Variants in FOXRED2 observed in about 807,000 individuals in gnomAD.
The protein encoded by FOXRED2 is FAD dependent oxidoreductase domain containing 2, also known as FAD-dependent oxidoreductase domain-containing protein 2.
A neutral mutation model predicts 52.5 loss-of-function variants in FOXRED2; 32 were observed. The observed-to-expected ratio is 0.61, with a 90% CI of 0.46 to 0.82. FOXRED2 has a LOEUF of 0.82. FOXRED2 is among the 40% of genes least tolerant of loss of function. The pLI, the probability that FOXRED2 is intolerant of heterozygous loss-of-function variation, is 0.00. For missense variants in FOXRED2, 848 were observed against 937.5 expected (o/e 0.90, Z 1.25); for synonymous variants, 405 against 398.1 (o/e 1.02, Z -0.21).
intron 4 of FOXRED2, among the ~76,000 whole-genome samples, chr22:36,502,345 T>C (rs962999546): frequency 6.6e-6 from 1 of 152,232 alleles, no homozygotes; most frequent in Non-Finnish European, 1.5e-5. Flanking sequence ...GCTGCTTTGA[T>C]ACCAAACCTC....
chr22:36,504,209 G>T lies in FOXRED2; in HGVS notation c.938C>A (p.Ala313Asp), dbSNP rs780798417. Reference protein sequence around the residue: ...FLEEANTNQSADSITLPQDDN... With the variant: ...FLEEANTNQSDDSITLPQDDN... Reference sequence around the variant, plus strand: ...GTCCTGGGGGAGGGTGATGGAGTCGGCACTCTGGTTGGTGTTGGCTTCTTC... The same window carrying T: ...GTCCTGGGGGAGGGTGATGGAGTCGTCACTCTGGTTGGTGTTGGCTTCTTC... Residue 313 changes from alanine to aspartate, a missense_variant, in exon 4 of 9, where the codon GCC (alanine) becomes GAC (aspartate). Coordinates refer to ENST00000397224, the MANE Select transcript of FOXRED2 (RefSeq NM_001102371.2). 1 of 1,614,220 alleles carries T rather than the reference G, an allele frequency of 6.2e-7. No individual in the cohort carries two copies. The highest frequency in any genetic ancestry group is 1.1e-5 in the South Asian group (1 of 91,084).
chr22:36,500,906 T>C (rs1276150613), intron 5 of FOXRED2, among the ~76,000 whole-genome samples: 2 of 151,936 alleles, frequency 1.3e-5, no homozygotes, highest in Non-Finnish European at 1.5e-5. Context: ...TATTTTATTT[T>C]TGAGACCAAG....
At chr22:36,498,191 CT>C in intron 5 of FOXRED2, 35 bp from the exon 6 acceptor site, 1 of 1,587,002 alleles carries the variant, frequency 6.3e-7, no homozygotes, top group Non-Finnish European at 8.6e-7. Flanking sequence ...GCACGCTGCA[CT>C]TACCATTTTA....
intron 1 of FOXRED2, 111 bp from the exon 2 acceptor site, chr22:36,506,534 C>T: frequency 9.0e-7 from 1 of 1,105,406 alleles, no homozygotes; most frequent in Non-Finnish European, 1.2e-6. Flanking sequence ...TGGGTCACGG[C>T]CAGGCCCAGA....
intron 7 of FOXRED2, among the ~76,000 whole-genome samples, chr22:36,494,103 G>T (rs115169353): frequency 7.4e-4 from 112 of 152,324 alleles, no homozygotes; most frequent in African/African-American, 2.5e-3. Flanking sequence ...GAGATCTACT[G>T]TGGCTGCTTT....
rs565902632 is a variant in FOXRED2 at position 36,502,348 on chromosome 22, C to T, written c.1050-941G>A. Among the ~76,000 whole-genome samples, 21 of 152,304 alleles carry T rather than the reference C, an allele frequency of 1.4e-4. No individual in the cohort carries two copies. The South Asian group carries it at 1.9e-3, about 14-fold the overall frequency. ...GAAAGACTGGATGCTGCTTTGATAC[C>T]AAACCTCCCGAGGTAGTCGGCAGCA... On this transcript the variant is annotated intron_variant, in intron 4 of 8. Transcript: ENST00000397224.
At chr22:36,505,556 G>A (rs899090832) in intron 2 of FOXRED2, among the ~76,000 whole-genome samples, 3 of 152,050 alleles carry the variant, frequency 2.0e-5, no homozygotes, top group Non-Finnish European at 4.4e-5. Flanking sequence ...ATCTCCTGAG[G>A]TCAGGAGTTC....
intron 7 of FOXRED2, 49 bp from the exon 8 acceptor site, chr22:36,493,852 C>A: frequency 6.4e-7 from 1 of 1,563,728 alleles, no homozygotes; most frequent in Non-Finnish European, 8.8e-7. Context: ...GGCTGGGCTT[C>A]CCCTCCTCGG....
chr22:36,496,918 C>T (rs761062004), intron 6 of FOXRED2, among the ~76,000 whole-genome samples: 9 of 152,170 alleles, frequency 5.9e-5, no homozygotes, highest in Non-Finnish European at 1.2e-4. Context: ...TGCTGACTCA[C>T]GCCTGTAATC....
In FOXRED2 at chr22:36,504,184, G is replaced by T. The variant is rs200758653; in HGVS notation, c.963C>A (p.Asp321Glu). 6.2e-7 allele frequency: 1 copy of T among 1,614,124 alleles called. No homozygotes were observed. The highest frequency in any genetic ancestry group is 1.7e-5 in the Admixed American group (1 of 60,008). Residue 321 changes from aspartate to glutamate, a missense_variant, in exon 4 of 9, where the codon GAC (aspartate) becomes GAA (glutamate). Physicochemically the swap from Asp to Glu is conservative, Grantham distance 45 (BLOSUM62 2). Coordinates refer to ENST00000397224, the MANE Select transcript of FOXRED2 (RefSeq NM_001102371.2). ...CGCGCATGGCAAAGTTGTCATTGTC[G>T]TCCTGGGGGAGGGTGATGGAGTCGG... ...QSADSITLPQDDNDNFAMRVP... is the reference protein window; with the variant it reads ...QSADSITLPQEDNDNFAMRVP...
At chr22:36,504,018 C>A (rs552055071) in intron 4 of FOXRED2, 80 bp downstream of exon 4, 23 of 1,480,054 alleles carry the variant, frequency 1.6e-5, no homozygotes, top group South Asian at 1.2e-4. Flanking sequence ...CGCCAGCCTA[C>A]TGAACAGCCA....
At chr22:36,498,709 ATTTT>A (rs2145849932) in intron 5 of FOXRED2, among the ~76,000 whole-genome samples, 1 of 151,938 alleles carries the variant, frequency 6.6e-6, no homozygotes, top group Non-Finnish European at 1.5e-5. Flanking sequence ...TTTTTTAAAT[ATTTT>A]TTATTTTATT....
intron 5 of FOXRED2, among the ~76,000 whole-genome samples, chr22:36,500,126 C>T (rs1934006492): frequency 6.6e-6 from 1 of 152,126 alleles, no homozygotes; most frequent in South Asian, 2.1e-4. Flanking sequence ...GACTCCTCTC[C>T]ACAGAAAGGG....
chr22:36,494,568 C>T (rs1534912), intron 7 of FOXRED2, among the ~76,000 whole-genome samples: 17,668 of 152,226 alleles, frequency 0.12, 1,067 homozygotes, highest in East Asian at 0.15. Flanking sequence ...AAGACTTGGC[C>T]GTCGCTATTC....
chr22:36,490,344 G>C (rs1933724291), intron 8 of FOXRED2, 77 bp from the exon 9 acceptor site: 1 of 1,468,882 alleles, frequency 6.8e-7, no homozygotes, highest in Non-Finnish European at 9.2e-7. Flanking sequence ...AGCTGCCAAT[G>C]CCAGGTGTGG....
At chr22:36,505,497 G>A (rs555951245) in intron 2 of FOXRED2, among the ~76,000 whole-genome samples, 6 of 152,328 alleles carry the variant, frequency 3.9e-5, no homozygotes, top group Admixed American at 2.0e-4. Flanking sequence ...GGCCGGGTGC[G>A]GTGGCTCATA....
chr22:36,504,639 G>A lies in FOXRED2; in HGVS notation c.655C>T (p.Leu219=). The change falls in exon 3 of 9, where the codon CTG becomes TTG. Residue 219 remains leucine, a synonymous_variant. Coordinates refer to ENST00000397224, the MANE Select transcript of FOXRED2 (RefSeq NM_001102371.2). The part of the protein sequence containing the change: ...EDFVGQNVLI[L]GRGNSAFETA... ...TCAAAGGCCGAGTTCCCACGACCCA[G>A]GATCAGCACATTCTGGCCTACAAAG... 1 of 1,614,186 alleles carries A rather than the reference G, an allele frequency of 6.2e-7. No individual in the cohort carries two copies. The highest frequency in any genetic ancestry group is 8.5e-7 in the Non-Finnish European group (1 of 1,180,034).
Position 36,487,943 on chromosome 22 carries a change from T to C in FOXRED2, c.*2065A>G, listed in dbSNP as rs1413273673. ...CCTGTCTCTACTAAAAATACAAAAA[T>C]TAGCTGGGCGTGGTGGCAGGCGCTT... On this transcript the variant is annotated 3_prime_UTR_variant, in exon 9 of 9. Transcript: ENST00000397224. 6.6e-6 allele frequency: 1 copy of C among 152,020 alleles called. No homozygotes were observed. Among genetic ancestry groups the C allele is most frequent in the African/African-American group, 2.4e-5 (1 of 41,354 alleles). 9.4% of individuals were successfully genotyped at this position (152,020 alleles called of 1,614,324 possible).
At chr22:36,490,372 T>C in intron 8 of FOXRED2, 105 bp from the exon 9 acceptor site, 1 of 1,292,120 alleles carries the variant, frequency 7.7e-7, no homozygotes, top group Non-Finnish European at 1.1e-6. Context: ...ACTGCAGGCC[T>C]TGCCTGGTAT....
Sources: gnomAD v4.1 joint callset for allele counts (sites outside exome capture counted in the v4.1 genomes callset) on GRCh38, gnomAD v4.1.1 for gene constraint, MANE v1.5 for transcripts, NCBI Gene and HGNC (gene_info 2026-07-23, HGNC 2026-07-21) for gene names.